CDK19: variants seen among roughly 807,000 people sequenced by gnomAD.
CDK19 encodes cyclin dependent kinase 19, also known as cyclin-dependent kinase 19.
Under a neutral mutation model 68.3 loss-of-function variants are expected in CDK19, and 20 were observed. The observed-to-expected ratio is 0.29, with a 90% CI of 0.21 to 0.43. The LOEUF (loss-of-function observed/expected upper bound fraction) is 0.43. Ranked by LOEUF, CDK19 falls within the 20% of genes least tolerant of loss-of-function variation. CDK19 has a pLI of 1.00. For missense variants in CDK19, 339 were observed against 623.5 expected (o/e 0.54, Z 4.86); for synonymous variants, 221 against 222.8 (o/e 0.99, Z 0.07).
chr6:110,665,955 C>T (rs988216980), intron 4 of CDK19, among the ~76,000 whole-genome samples: 1 of 151,776 alleles, frequency 6.6e-6, no homozygotes, highest in Non-Finnish European at 1.5e-5. Flanking sequence ...GTTGCCCAGG[C>T]CGGTCTCGAA....
rs902439973 is a variant in CDK19, at chr6:110,812,209, C to G, written c.128+2800G>C. Among the ~76,000 whole-genome samples, 6 of 152,074 alleles carry G rather than the reference C, an allele frequency of 3.9e-5. No individual in the cohort carries two copies. The East Asian group carries it at 1.2e-3, about 29-fold the overall frequency. Reference sequence around the variant, plus strand: ...GATCTCGGCTCACTGCAAGCTCCACCTCCCGGGTTCACGCCATTGTCCTGC... The same window carrying G: ...GATCTCGGCTCACTGCAAGCTCCACGTCCCGGGTTCACGCCATTGTCCTGC... On this transcript the variant is annotated intron_variant, in intron 1 of 12. Coordinates refer to ENST00000368911, the MANE Select transcript of CDK19 (RefSeq NM_015076.5).
At chr6:110,683,124 C>T (rs918995417) in intron 2 of CDK19, among the ~76,000 whole-genome samples, 6 of 124,750 alleles carry the variant, frequency 4.8e-5, no homozygotes, top group African/African-American at 1.9e-4. Context: ...TGCAGTGAGT[C>T]AAGATGGTGC....
chr6:110,722,042 G>C lies in CDK19; in HGVS notation c.204+24084C>G, dbSNP rs9481100. 7.9e-3 allele frequency among the ~76,000 whole-genome samples: 1,197 copies of C among 152,088 alleles called. 24 individuals carry two copies. The highest frequency in any genetic ancestry group is 0.028 in the African/African-American group (1,145 of 41,502). Reference sequence around the variant, plus strand: ...TCTTCTTATAATTTCTCTTATCTGTGTATGTGTAGGATTTTTTTAGATTTA... The same window carrying C: ...TCTTCTTATAATTTCTCTTATCTGTCTATGTGTAGGATTTTTTTAGATTTA... On this transcript the variant is annotated intron_variant, in intron 2 of 12. Coordinates refer to ENST00000368911, the MANE Select transcript of CDK19 (RefSeq NM_015076.5).
chr6:110,642,170 G>A (rs1374128244), intron 4 of CDK19, among the ~76,000 whole-genome samples: 1 of 152,092 alleles, frequency 6.6e-6, no homozygotes, highest in Non-Finnish European at 1.5e-5. Context: ...GCGTGGTGGT[G>A]TGCACCTGTA....
In CDK19 at chr6:110,769,574, AAAAAATAATAAT is replaced by A. The variant is rs1259874806; in HGVS notation, c.129-23385_129-23374del. ...AGCAAGATTCCATCTCAAAAAAAAA[AAAAAATAATAAT>A]AATAATAATAATAGGGAAAACTGGG... On this transcript the variant is annotated intron_variant, in intron 1 of 12. Coordinates refer to ENST00000368911, the MANE Select transcript of CDK19 (RefSeq NM_015076.5). Among the ~76,000 whole-genome samples, 3 of 146,494 alleles carry A rather than the reference AAAAAATAATAAT, an allele frequency of 2.0e-5. No homozygotes were observed. In the East Asian group the frequency reaches 5.9e-4, roughly 29 times the overall value.
At chr6:110,763,234 A>G (rs1015075493) in intron 1 of CDK19, among the ~76,000 whole-genome samples, 7 of 152,150 alleles carry the variant, frequency 4.6e-5, no homozygotes, top group Non-Finnish European at 1.5e-5. Context: ...AAAGTGAAGG[A>G]ATGGAGGGAA....
intron 1 of CDK19, among the ~76,000 whole-genome samples, chr6:110,775,103 G>T (rs995431447): frequency 6.6e-6 from 1 of 151,984 alleles, no homozygotes; most frequent in African/African-American, 2.4e-5. Context: ...AAATTAGCTG[G>T]GTGTGGTGGC....
chr6:110,663,964 T>C (rs1028118964), intron 4 of CDK19, among the ~76,000 whole-genome samples: 2 of 152,202 alleles, frequency 1.3e-5, no homozygotes, highest in African/African-American at 4.8e-5. Context: ...AACATTGTGT[T>C]CATGCCATTG....
chr6:110,674,049 T>C (rs1403881250), intron 2 of CDK19, among the ~76,000 whole-genome samples: 1 of 152,256 alleles, frequency 6.6e-6, no homozygotes, highest in South Asian at 2.1e-4. Context: ...TGTCTCTGTG[T>C]CACATTTTGG....
chr6:110,774,117 T>TAA (rs1780225647), intron 1 of CDK19, among the ~76,000 whole-genome samples: 1 of 152,198 alleles, frequency 6.6e-6, no homozygotes, highest in African/African-American at 2.4e-5. Flanking sequence ...TAATTATATA[T>TAA]AATGCAGCTT....
intron 2 of CDK19, among the ~76,000 whole-genome samples, chr6:110,683,021 C>T (rs991196758): frequency 6.6e-6 from 1 of 151,434 alleles, no homozygotes; most frequent in South Asian, 2.1e-4. Context: ...ACTAAAAATA[C>T]AAAAATTAGC....
At chr6:110,640,392 T>G (rs941987219) in intron 4 of CDK19, among the ~76,000 whole-genome samples, 6 of 151,990 alleles carry the variant, frequency 3.9e-5, no homozygotes, top group Admixed American at 3.9e-4. Flanking sequence ...GAATTGGATG[T>G]GAGGTGGTAA....
chr6:110,704,744 C>T (rs549280148), intron 2 of CDK19, among the ~76,000 whole-genome samples: 3 of 152,002 alleles, frequency 2.0e-5, no homozygotes, highest in Non-Finnish European at 4.4e-5. Context: ...ATGTGTTCTA[C>T]AACTATATAG....
chr6:110,751,890 A>C (rs1446947933), intron 1 of CDK19, among the ~76,000 whole-genome samples: 1 of 152,146 alleles, frequency 6.6e-6, no homozygotes, highest in African/African-American at 2.4e-5. Flanking sequence ...TCTTCAAATC[A>C]TATGACATCT....
intron 4 of CDK19, among the ~76,000 whole-genome samples, chr6:110,648,571 C>T (rs9384750): frequency 0.16 from 21,163 of 135,080 alleles, 1,853 homozygotes; most frequent in East Asian, 0.34. Context: ...GAAGGAGTCT[C>T]GCTCTGTTGC....
At chr6:110,670,207 A>G (rs569961818) in intron 3 of CDK19, among the ~76,000 whole-genome samples, 17 of 152,122 alleles carry the variant, frequency 1.1e-4, no homozygotes, top group African/African-American at 3.9e-4. Context: ...ATTCATTAAA[A>G]TCTTTCTGAA....
At position 110,613,064 on chromosome 6, in the gene CDK19, T is replaced by C. The variant is rs1293360656; in HGVS notation, c.*1471A>G. 6.6e-6 allele frequency: 1 copy of C among 152,646 alleles called. No homozygotes were observed. The highest frequency in any genetic ancestry group is 2.4e-5 in the African/African-American group (1 of 41,456). 9.5% of individuals were successfully genotyped at this position (152,646 alleles called of 1,614,324 possible). On this transcript the variant is annotated 3_prime_UTR_variant, in exon 13 of 13. Coordinates refer to ENST00000368911, the MANE Select transcript of CDK19 (RefSeq NM_015076.5). ...ACATTTAAAACAAGGCTGGTGCTGC[T>C]AGTAGCATTCAGAAGAACACAAATT...
At chr6:110,632,919 T>C (rs1267770125) in intron 5 of CDK19, among the ~76,000 whole-genome samples, 1 of 152,028 alleles carries the variant, frequency 6.6e-6, no homozygotes, top group Admixed American at 6.6e-5. Context: ...TGTATGCTTA[T>C]ACATTTAAAA....
intron 4 of CDK19, among the ~76,000 whole-genome samples, chr6:110,657,201 T>C (rs1781357434): frequency 6.6e-6 from 1 of 152,172 alleles, no homozygotes; most frequent in South Asian, 2.1e-4. Context: ...CCCAGTTCTC[T>C]CAGAGATGCA....
Sources: allele counts gnomAD v4.1 joint callset (sites outside exome capture counted in the v4.1 genomes callset), GRCh38; gene constraint gnomAD v4.1.1; transcripts MANE v1.5; gene names NCBI Gene and HGNC (gene_info 2026-07-23, HGNC 2026-07-21).